MDN1: variants seen among roughly 807,000 people sequenced by gnomAD.
The protein encoded by MDN1 is midasin.
Under a neutral mutation model 669.2 loss-of-function variants are expected in MDN1, and 266 were observed. The ratio of observed to expected loss-of-function variants is 0.40; its 90% CI spans 0.36 to 0.44. The LOEUF is 0.44. MDN1 is among the 20% of genes least tolerant of loss of function. MDN1 has a pLI of 1.00. For missense variants in MDN1, 5,940 were observed against 6,754.0 expected (o/e 0.88, Z 4.22); for synonymous variants, 2,385 against 2,457.1 (o/e 0.97, Z 0.87).
At chr6:89,779,545 T>G (rs192100783) in intron 11 of MDN1, among the ~76,000 whole-genome samples, 2 of 152,332 alleles carry the variant, frequency 1.3e-5, no homozygotes, top group East Asian at 3.9e-4. Flanking sequence ...AGGGATCGGA[T>G]AGTTACAAAT....
chr6:89,716,499 C>T, intron 44 of MDN1, 151 bp downstream of exon 44: 1 of 710,486 alleles, frequency 1.4e-6, no homozygotes. Context: ...CTGTTCACCA[C>T]AGGGAGAAGT....
intron 71 of MDN1, among the ~76,000 whole-genome samples, chr6:89,684,440 C>T (rs561093703): frequency 6.6e-6 from 1 of 150,654 alleles, no homozygotes; most frequent in South Asian, 2.1e-4. Context: ...AGTCACCTGA[C>T]ATATACTCCA....
intron 51 of MDN1, among the ~76,000 whole-genome samples, 158 bp from the exon 52 acceptor site, chr6:89,707,634 G>C (rs188803738): frequency 2.0e-5 from 3 of 152,330 alleles, no homozygotes; most frequent in Admixed American, 1.3e-4. Flanking sequence ...GGAGATGAAA[G>C]TGACAACTAC....
chr6:89,674,445 C>G lies in MDN1; in HGVS notation c.12906G>C (p.Glu4302Asp), dbSNP rs199799891. The G allele has an allele frequency of 1.9e-5, 30 of 1,614,030 alleles. No homozygotes were observed. The East Asian group carries it at 6.7e-4, about 36-fold the overall frequency. ...HLAMQCQILL[E>D]QLSWLLQCCP... is the part of the protein sequence containing the mutation. ...AGCACTGGAGGAGCCAGGAGAGCTGCTCAAGCAGGATCTGGCACTGCATGG... is the reference window on the plus strand; with the variant it reads ...AGCACTGGAGGAGCCAGGAGAGCTGGTCAAGCAGGATCTGGCACTGCATGG... The change falls in exon 79 of 102, where the codon GAG (glutamate) becomes GAC (aspartate). Residue 4302 changes from glutamate (E) to aspartate (D), a missense_variant. Transcript: ENST00000369393.
Position 89,698,986 on chromosome 6 carries a change from A to G in MDN1, c.9047T>C (p.Met3016Thr), listed in dbSNP as rs149041526. 819 of 1,614,054 alleles carry G rather than the reference A, an allele frequency of 5.1e-4. 2 individuals carry two copies. Among genetic ancestry groups the G allele is most frequent in the Non-Finnish European group, 6.4e-4 (756 of 1,179,930 alleles). The change falls in exon 59 of 102, where the codon ATG becomes ACG. Residue 3016 changes from methionine (M) to threonine (T), a missense_variant. Transcript: ENST00000369393. ...TSLWSELFNSMFMSFWSSTVT... is the reference protein window; with the variant it reads ...TSLWSELFNSTFMSFWSSTVT... The stretch of plus-strand genomic sequence containing the variant: ...AGTACTGCTCCAGAAAGACATAAAC[A>G]TGGAATTAAATAACTCGGACCACAA...
intron 33 of MDN1, among the ~76,000 whole-genome samples, chr6:89,736,853 G>A (rs147869069): frequency 6.6e-6 from 1 of 152,300 alleles, no homozygotes; most frequent in Non-Finnish European, 1.5e-5. Context: ...CACAGTAAAT[G>A]TGCTGCTGCA....
chr6:89,797,574 C>T, intron 2 of MDN1: 1 of 389,026 alleles, frequency 2.6e-6, no homozygotes, highest in South Asian at 2.0e-5. Flanking sequence ...GTGGCCAGTA[C>T]AGTAGTAGCA....
rs1205034669 is a variant in MDN1 at position 89,677,703 on chromosome 6, A to G, written c.12413-7T>C. ...CCTTTGCGATACGACAAACCTAGGA[A>G]ATAAACAGCATTTCTTTAAGCAAAG... On this transcript the variant is annotated splice_polypyrimidine_tract_variant and splice_region_variant and intron_variant, in intron 75 of 101. Coordinates refer to ENST00000369393, the MANE Select transcript of MDN1 (RefSeq NM_014611.3). 3.7e-6 allele frequency: 6 copies of G among 1,613,990 alleles called. No homozygotes were observed. Among genetic ancestry groups the G allele is most frequent in the Non-Finnish European group, 5.1e-6 (6 of 1,179,926 alleles).
intron 92 of MDN1, among the ~76,000 whole-genome samples, chr6:89,654,882 TA>T (rs1310838428): frequency 6.6e-6 from 1 of 152,004 alleles, no homozygotes; most frequent in Non-Finnish European, 1.5e-5. Flanking sequence ...TTAAAAATAA[TA>T]AAAAGTAGTA....
chr6:89,694,271 A>G, intron 61 of MDN1, 88 bp from the exon 62 acceptor site: 1 of 1,113,096 alleles, frequency 9.0e-7, no homozygotes, highest in Non-Finnish European at 1.4e-6. Flanking sequence ...TAGAGGAACA[A>G]GATGGAAGGA....
intron 16 of MDN1, among the ~76,000 whole-genome samples, chr6:89,761,980 CTAGT>C (rs1468457266): frequency 1.3e-5 from 2 of 152,132 alleles, no homozygotes; most frequent in Non-Finnish European, 2.9e-5. Flanking sequence ...ACCCTCTGGA[CTAGT>C]TATTTTTATT....
At chr6:89,659,807 G>A (rs1035506833) in intron 88 of MDN1, among the ~76,000 whole-genome samples, 44 of 152,148 alleles carry the variant, frequency 2.9e-4, no homozygotes, top group Non-Finnish European at 4.4e-5. Context: ...TTTTGAAAAA[G>A]TTTTATCAAA....
At chr6:89,744,879 C>T (rs1162356869) in intron 29 of MDN1, among the ~76,000 whole-genome samples, 8 of 151,964 alleles carry the variant, frequency 5.3e-5, no homozygotes, top group Non-Finnish European at 1.0e-4. Context: ...GAGACCCCAT[C>T]TCCAAAAATA....
chr6:89,737,445 G>A (rs1054623157), intron 33 of MDN1, among the ~76,000 whole-genome samples: 3 of 151,772 alleles, frequency 2.0e-5, no homozygotes, highest in Non-Finnish European at 4.4e-5. Flanking sequence ...TATGTATTTA[G>A]TCTTGGAACC....
intron 92 of MDN1, among the ~76,000 whole-genome samples, chr6:89,654,818 T>C (rs1002592615): frequency 2.0e-5 from 3 of 152,176 alleles, no homozygotes; most frequent in African/African-American, 7.2e-5. Flanking sequence ...ATTGTATACA[T>C]GTATCAAAAC....
At chr6:89,713,878 TA>T (rs901524313) in intron 46 of MDN1, among the ~76,000 whole-genome samples, 5 of 147,428 alleles carry the variant, frequency 3.4e-5, no homozygotes, top group East Asian at 2.0e-4. Flanking sequence ...CTACTAAAAA[TA>T]AAAAAAAAAT....
At chr6:89,687,208 C>CT in intron 68 of MDN1, 136 bp downstream of exon 68, 1 of 1,146,026 alleles carries the variant, frequency 8.7e-7, no homozygotes, top group South Asian at 1.5e-5. Context: ...TAATGCCCTA[C>CT]TTTTAACTCT....
At chr6:89,687,050 A>G (rs769610658) in intron 68 of MDN1, 27 bp from the exon 69 acceptor site, 1 of 1,607,302 alleles carries the variant, frequency 6.2e-7, no homozygotes, top group South Asian at 1.1e-5. Context: ...CCAAGGAGGC[A>G]TTTAGGAAAA....
At chr6:89,746,193 T>A (rs924530307) in intron 27 of MDN1, among the ~76,000 whole-genome samples, 1 of 152,166 alleles carries the variant, frequency 6.6e-6, no homozygotes, top group African/African-American at 2.4e-5. Flanking sequence ...AGTGATTACC[T>A]CCACTGTCAA....
Sources: gnomAD v4.1 joint callset for allele counts (sites outside exome capture counted in the v4.1 genomes callset) on GRCh38, gnomAD v4.1.1 for gene constraint, MANE v1.5 for transcripts, NCBI Gene and HGNC (gene_info 2026-07-23, HGNC 2026-07-21) for gene names.